Variants in HIVEP2 observed in about 807,000 individuals in gnomAD.
The protein encoded by HIVEP2 is transcription factor HIVEP2.
HIVEP2 carries 14 observed loss-of-function variants against 180.7 expected under a neutral mutation model. The ratio of observed to expected loss-of-function variants is 0.08; its 90% CI spans 0.05 to 0.12. The LOEUF is 0.12. HIVEP2 is among the 10% of genes least tolerant of loss of function. The pLI, the probability that HIVEP2 is intolerant of heterozygous loss-of-function variation, is 1.00. For missense variants in HIVEP2, 2,579 were observed against 3,008.5 expected (o/e 0.86, Z 3.34); for synonymous variants, 1,184 against 1,136.4 (o/e 1.04, Z -0.84).
At chr6:142,760,787 G>C in intron 8 of HIVEP2, 120 bp from the exon 9 acceptor site, 1 of 688,304 alleles carries the variant, frequency 1.5e-6, no homozygotes, top group Non-Finnish European at 2.4e-6. Context: ...AGATAGTTAT[G>C]TCTGAGAACT....
At chr6:142,903,274 T>C (rs1227036409) in intron 1 of HIVEP2, among the ~76,000 whole-genome samples, 1 of 152,252 alleles carries the variant, frequency 6.6e-6, no homozygotes, top group Admixed American at 6.5e-5. Flanking sequence ...TTGCTGTTGA[T>C]TGAATGTACA....
rs71550983 is a variant in HIVEP2, at chr6:142,756,683, CAA to C, written c.6517-2754_6517-2753del. ...AAAATGGAAAAGGAAATTTATTTAT[CAA>C]AAAAAAAAAGATAAGGCCACAGCCA... On this transcript the variant is annotated intron_variant, in intron 9 of 9. Coordinates refer to ENST00000367603, the MANE Select transcript of HIVEP2 (RefSeq NM_006734.4). 1.2e-4 allele frequency among the ~76,000 whole-genome samples: 18 copies of C among 146,024 alleles called. No homozygotes were observed. In the East Asian group the frequency reaches 2.4e-3, roughly 19 times the overall value.
chr6:142,883,070 CTT>C (rs2128417570), intron 1 of HIVEP2, among the ~76,000 whole-genome samples: 1 of 152,134 alleles, frequency 6.6e-6, no homozygotes, highest in East Asian at 1.9e-4. Context: ...AACAAAAAGA[CTT>C]CACTTCAAGC....
intron 1 of HIVEP2, among the ~76,000 whole-genome samples, chr6:142,911,309 T>C (rs941613419): frequency 6.6e-6 from 1 of 151,982 alleles, no homozygotes; most frequent in Non-Finnish European, 1.5e-5. Context: ...AATTTAAACA[T>C]AGCAATTTTC....
In HIVEP2 at chr6:142,945,114, C is replaced by T. The variant is rs1420541726; in HGVS notation, c.-656G>A. On this transcript the variant is annotated 5_prime_UTR_variant, in exon 1 of 10. Transcript: ENST00000367603. The surrounding 1 kb of genome is among the most constrained non-coding windows in gnomAD (Gnocchi z 5.5). ...CCCCCGCTACCTGACAACGGGCCGCCGCCGGCCGCCGCAGCCGCAGCGGTG... is the reference window on the plus strand; with the variant it reads ...CCCCCGCTACCTGACAACGGGCCGCTGCCGGCCGCCGCAGCCGCAGCGGTG... The T allele has an allele frequency of 6.7e-6, 1 of 148,196 alleles. No individual in the cohort carries two copies. The highest frequency in any genetic ancestry group is 2.4e-5 in the African/African-American group (1 of 40,938). The allele number at this position is 148,196 out of a possible 1,614,324, so 9.2% of individuals were successfully genotyped here.
chr6:142,911,139 T>TAAA (rs5880554), intron 1 of HIVEP2, among the ~76,000 whole-genome samples: 1,888 of 106,114 alleles, frequency 0.018, 61 homozygotes, highest in African/African-American at 0.067. Flanking sequence ...ACAAACACAT[T>TAAA]AAAAAAAAAA....
intron 1 of HIVEP2, among the ~76,000 whole-genome samples, chr6:142,904,106 T>G (rs1421243342): frequency 6.6e-6 from 1 of 152,100 alleles, no homozygotes; most frequent in Non-Finnish European, 1.5e-5. Flanking sequence ...AACCCAAATT[T>G]CCAGTCATTT....
intron 1 of HIVEP2, among the ~76,000 whole-genome samples, chr6:142,879,955 T>C (rs1393829893): frequency 1.3e-5 from 2 of 152,154 alleles, no homozygotes; most frequent in Non-Finnish European, 2.9e-5. Flanking sequence ...ATATTGTATC[T>C]ACAGGGACTA....
intron 1 of HIVEP2, among the ~76,000 whole-genome samples, chr6:142,837,730 A>G (rs1308182460): frequency 1.3e-5 from 2 of 152,104 alleles, no homozygotes; most frequent in Admixed American, 1.3e-4. Context: ...ACATTAAATT[A>G]CTATCTCAGC....
intron 1 of HIVEP2, among the ~76,000 whole-genome samples, chr6:142,944,441 A>ACAC (rs1352565521): frequency 6.9e-6 from 1 of 145,528 alleles, no homozygotes; most frequent in African/African-American, 2.6e-5. Context: ...ACACACACAC[A>ACAC]CACACGCACA....
intron 1 of HIVEP2, among the ~76,000 whole-genome samples, chr6:142,922,625 G>GT (rs1374311030): frequency 2.0e-5 from 3 of 151,988 alleles, no homozygotes; most frequent in African/African-American, 7.3e-5. Context: ...GGGGATAAAC[G>GT]TAACTTGCCA....
At chr6:142,754,321 T>TA (rs1752547059) in intron 9 of HIVEP2, among the ~76,000 whole-genome samples, 2 of 151,510 alleles carry the variant, frequency 1.3e-5, no homozygotes, top group African/African-American at 4.8e-5. Context: ...TTAATAATAT[T>TA]TTTTTTAATT....
chr6:142,899,811 G>A (rs1777087468), intron 1 of HIVEP2, among the ~76,000 whole-genome samples: 1 of 152,154 alleles, frequency 6.6e-6, no homozygotes, highest in Admixed American at 6.5e-5. Context: ...CTGATCCTGG[G>A]CAGGGGTTAA....
chr6:142,763,477 G>A (rs1400500077), intron 7 of HIVEP2, among the ~76,000 whole-genome samples: 1 of 152,140 alleles, frequency 6.6e-6, no homozygotes, highest in Non-Finnish European at 1.5e-5. Flanking sequence ...CTCCAATAAT[G>A]ACCAAGAATA....
At chr6:142,929,820 A>T (rs1485456723) in intron 1 of HIVEP2, among the ~76,000 whole-genome samples, 1 of 152,210 alleles carries the variant, frequency 6.6e-6, no homozygotes, top group African/African-American at 2.4e-5. Context: ...TTGGCTCTCC[A>T]TGCTTCTGAG....
intron 1 of HIVEP2, among the ~76,000 whole-genome samples, chr6:142,870,076 A>G (rs1776249881): frequency 6.6e-6 from 1 of 151,964 alleles, no homozygotes. Flanking sequence ...CTGCGCATTC[A>G]TGTTCTACAT....
chr6:142,878,193 T>G (rs889637019), intron 1 of HIVEP2, among the ~76,000 whole-genome samples: 3 of 152,170 alleles, frequency 2.0e-5, no homozygotes, highest in African/African-American at 7.2e-5. Flanking sequence ...AAAATCCACA[T>G]GACATTGGCT....
intron 1 of HIVEP2, among the ~76,000 whole-genome samples, chr6:142,939,590 A>G (rs1778128031): frequency 1.3e-5 from 2 of 152,108 alleles, no homozygotes; most frequent in African/African-American, 2.4e-5. Flanking sequence ...AACATTCAAG[A>G]TCCTCAGTAA....
At chr6:142,891,620 A>G (rs1290069729) in intron 1 of HIVEP2, among the ~76,000 whole-genome samples, 1 of 152,078 alleles carries the variant, frequency 6.6e-6, no homozygotes, top group Non-Finnish European at 1.5e-5. Context: ...ATGGATCGAG[A>G]TCTACTATCA....
Sources: allele counts gnomAD v4.1 joint callset (sites outside exome capture counted in the v4.1 genomes callset), GRCh38; gene constraint gnomAD v4.1.1; non-coding constraint Gnocchi (gnomAD v3.1); transcripts MANE v1.5; gene names NCBI Gene and HGNC (gene_info 2026-07-23, HGNC 2026-07-21).